The following CALN1 variants were observed in gnomAD, a reference collection of about 807,000 sequenced individuals.
CALN1 encodes the protein calcium-binding protein 8.
A neutral mutation model predicts 30.6 loss-of-function variants in CALN1; 17 were observed. The observed-to-expected ratio is 0.56, with a 90% confidence interval of 0.38 to 0.83. CALN1 has a LOEUF of 0.83. Among genes scored for constraint, CALN1 ranks in the 40% least tolerant of loss-of-function variants. The pLI is 0.00. For synonymous variants in CALN1, 156 were observed against 131.4 expected (o/e 1.19, Z -1.28); for missense variants, 291 against 354.9 (o/e 0.82, Z 1.45).
In CALN1 at chr7:72,289,621, T is replaced by C. The variant is rs530049048; in HGVS notation, c.120-10811A>G. On this transcript the variant is annotated intron_variant, in intron 2 of 6. Coordinates refer to ENST00000395275, the MANE Select transcript of CALN1 (RefSeq NM_031468.4). ...GGATTTGGAAAGAGATGTGCAGCAG[T>C]ATACCAGCATACCACCATGAAGTAT... Among the ~76,000 whole-genome samples, 184 of 152,238 alleles carry C rather than the reference T, an allele frequency of 1.2e-3. 1 individual carries two copies. The highest frequency in any genetic ancestry group is 2.0e-3 in the Non-Finnish European group (138 of 68,024).
chr7:72,148,260 T>A (rs1467075172), intron 3 of CALN1, among the ~76,000 whole-genome samples: 1 of 130,754 alleles, frequency 7.6e-6, no homozygotes, highest in Admixed American at 7.5e-5. Context: ...CAAATGTGGT[T>A]GTTTAAAAAA....
At chr7:71,810,896 CTTTT>C (rs71092916) in intron 5 of CALN1, among the ~76,000 whole-genome samples, 3 of 139,186 alleles carry the variant, frequency 2.2e-5, no homozygotes, top group Non-Finnish European at 4.7e-5. Flanking sequence ...AAGCATGTAT[CTTTT>C]TTTTTTTTTT....
intron 2 of CALN1, among the ~76,000 whole-genome samples, chr7:72,371,940 T>C (rs574305778): frequency 3.5e-4 from 53 of 152,266 alleles, no homozygotes; most frequent in African/African-American, 1.2e-3. Context: ...CACTAACAGG[T>C]AGATTGGGAA....
chr7:71,939,857 T>C (rs931796654), intron 5 of CALN1, among the ~76,000 whole-genome samples: 2 of 152,090 alleles, frequency 1.3e-5, no homozygotes, highest in Admixed American at 1.3e-4. Flanking sequence ...ATCCATACTC[T>C]TGCCAAACTC....
intron 3 of CALN1, among the ~76,000 whole-genome samples, chr7:72,178,800 A>T (rs532948329): frequency 2.6e-5 from 4 of 151,976 alleles, no homozygotes; most frequent in African/African-American, 9.6e-5. Flanking sequence ...AGGAACTACA[A>T]ATGTCATTTT....
At chr7:72,334,210 A>C (rs1486857511) in intron 2 of CALN1, among the ~76,000 whole-genome samples, 1 of 152,198 alleles carries the variant, frequency 6.6e-6, no homozygotes, top group South Asian at 2.1e-4. Flanking sequence ...TTAAACGTCC[A>C]AAGTCTATCA....
intron 2 of CALN1, among the ~76,000 whole-genome samples, chr7:72,314,344 T>C (rs796250071): frequency 8.7e-6 from 1 of 114,848 alleles, no homozygotes; most frequent in African/African-American, 3.7e-5. Context: ...TTAACATATA[T>C]ATATACATAT....
intron 2 of CALN1, among the ~76,000 whole-genome samples, chr7:72,392,162 G>A (rs1406215074): frequency 6.6e-6 from 1 of 152,168 alleles, no homozygotes; most frequent in Non-Finnish European, 1.5e-5. Context: ...GATGCTCCCA[G>A]CTGAGCTAGT....
At chr7:71,812,869 A>C (rs553755234) in intron 5 of CALN1, among the ~76,000 whole-genome samples, 1 of 151,460 alleles carries the variant, frequency 6.6e-6, no homozygotes, top group African/African-American at 2.4e-5. Context: ...TCATCCTCCT[A>C]AGTAGTTAGG....
chr7:72,224,476 C>T (rs10278350), intron 3 of CALN1, among the ~76,000 whole-genome samples: 7,025 of 152,192 alleles, frequency 0.046, 220 homozygotes, highest in South Asian at 0.1. Context: ...AAGACCCAGC[C>T]GTGCTGTTTA....
chr7:71,918,477 T>G (rs1794788577), intron 5 of CALN1, among the ~76,000 whole-genome samples: 1 of 152,146 alleles, frequency 6.6e-6, no homozygotes, highest in Admixed American at 6.5e-5. Flanking sequence ...TTCTGATGAT[T>G]TAGGAGGTGG....
upstream of CALN1, among the ~76,000 whole-genome samples, chr7:72,416,606 G>A (rs1196002571): frequency 6.6e-6 from 1 of 151,978 alleles, no homozygotes; most frequent in Admixed American, 6.6e-5. Flanking sequence ...ATGGTGGTGT[G>A]TGCCTGTAAT....
intron 2 of CALN1, among the ~76,000 whole-genome samples, chr7:72,379,665 A>T (rs1246337168): frequency 6.6e-6 from 1 of 152,270 alleles, no homozygotes; most frequent in Non-Finnish European, 1.5e-5. Context: ...CAGAGACAGG[A>T]CACTCAATGA....
the CALN1 span, among the ~76,000 whole-genome samples, chr7:72,501,858 G>A: frequency 1.5e-5 from 2 of 137,074 alleles, no homozygotes; most frequent in Non-Finnish European, 3.0e-5. Flanking sequence ...GCAGTGAGCT[G>A]AGATCATGCC....
intron 3 of CALN1, among the ~76,000 whole-genome samples, chr7:72,205,690 A>G (rs1304555599): frequency 2.7e-5 from 4 of 149,796 alleles, no homozygotes; most frequent in African/African-American, 9.8e-5. Flanking sequence ...TTGTAACATC[A>G]AATTTATCAA....
chr7:72,234,692 C>T (rs937602401), intron 3 of CALN1, among the ~76,000 whole-genome samples: 2 of 152,050 alleles, frequency 1.3e-5, no homozygotes, highest in South Asian at 4.1e-4. Context: ...GTGATCCGCC[C>T]GCCTTGGTCT....
rs1554378748 is a variant in CALN1, at chr7:72,338,525, G to GTCTGTCTTTC, written c.120-59716_120-59715insGAAAGACAGA. On this transcript the variant is annotated intron_variant, in intron 2 of 6. Transcript: ENST00000395275. ...TGTGTGTGTGTGTGTGTGTGTGTGTGTGTCTCACCTGGGTGTGGTTTCAGA... is the reference window on the plus strand; with the variant it reads ...TGTGTGTGTGTGTGTGTGTGTGTGTGTCTGTCTTTCTGTCTCACCTGGGTGTGGTTTCAGA... Among the ~76,000 whole-genome samples the GTCTGTCTTTC allele has an allele frequency of 1.6e-4, 19 of 122,378 alleles. 1 individual carries two copies. The highest frequency in any genetic ancestry group is 5.9e-4 in the African/African-American group (19 of 32,094). 80.3% of individuals were successfully genotyped at this position (122,378 alleles called of 152,430 possible). A position where few individuals can be genotyped will look rare whatever the true frequency, so the allele number is the denominator to read the frequency against.
chr7:72,109,696 C>T (rs1807423895), intron 3 of CALN1, among the ~76,000 whole-genome samples: 2 of 152,346 alleles, frequency 1.3e-5, no homozygotes, highest in Admixed American at 6.5e-5. Context: ...CTCAAGGACA[C>T]TGTGGTGGAG....
chr7:72,198,991 C>G (rs1791229598), intron 3 of CALN1, among the ~76,000 whole-genome samples: 1 of 152,148 alleles, frequency 6.6e-6, no homozygotes, highest in Non-Finnish European at 1.5e-5. Flanking sequence ...ATGGTAAATT[C>G]TGGCTGGGCG....
Sources: gnomAD v4.1 joint callset for allele counts (sites outside exome capture counted in the v4.1 genomes callset) on GRCh38, gnomAD v4.1.1 for gene constraint, MANE v1.5 for transcripts, NCBI Gene and HGNC (gene_info 2026-07-23, HGNC 2026-07-21) for gene names.